The following ABCG1 variants were observed in gnomAD, a reference collection of about 807,000 sequenced individuals.
ABCG1 encodes ATP binding cassette subfamily G member 1, also known as ATP-binding cassette sub-family G member 1.
A neutral mutation model predicts 69.2 loss-of-function variants in ABCG1; 29 were observed. The ratio of observed to expected loss-of-function variants is 0.42; its 90% confidence interval spans 0.31 to 0.57. The LOEUF (loss-of-function observed/expected upper bound fraction) is 0.57, where lower values mean the gene tolerates loss of function less well. ABCG1 is among the 20% of genes least tolerant of loss of function. ABCG1 has a pLI of 0.15. For synonymous variants in ABCG1, 370 were observed against 374.8 expected (o/e 0.99, Z 0.15); for missense variants, 718 against 898.1 (o/e 0.80, Z 2.56).
At chr21:42,247,259 G>C (rs1445302483) in intron 2 of ABCG1, among the ~76,000 whole-genome samples, 1 of 152,202 alleles carries the variant, frequency 6.6e-6, no homozygotes, top group Non-Finnish European at 1.5e-5. Context: ...GGAGGAAAAA[G>C]TAAAGATAGC....
intron 3 of ABCG1, 33 bp downstream of exon 3, chr21:42,271,220 T>C: frequency 1.4e-6 from 2 of 1,406,588 alleles, no homozygotes; most frequent in Non-Finnish European, 1.9e-6. Flanking sequence ...CAAAGTTCTC[T>C]CCCGGGTGTC....
rs201533984 is a variant in ABCG1 at position 42,201,794 on chromosome 21, G to C, written c.48+71G>C. The C allele has an allele frequency of 1.6e-3, 2,642 of 1,608,938 alleles. 5 individuals are homozygous for C. Among genetic ancestry groups the C allele is most frequent in the Non-Finnish European group, 1.8e-3 (2,094 of 1,176,854 alleles). On this transcript the variant is annotated intron_variant, in intron 2 of 15. Coordinates refer to the ABCG1 transcript ENST00000398457. ...ATCCAGACTGGGCTTGTTTCAACTCGTTCCGTGGGCCTGATGTAGTCTAGA... is the reference window on the plus strand; with the variant it reads ...ATCCAGACTGGGCTTGTTTCAACTCCTTCCGTGGGCCTGATGTAGTCTAGA...
At chr21:42,259,645 T>A in intron 2 of ABCG1, 1 of 1,433,570 alleles carries the variant, frequency 7.0e-7, no homozygotes, top group Non-Finnish European at 9.1e-7. Flanking sequence ...ACTGACAAGG[T>A]TGCTAGAGCC....
intron 2 of ABCG1, chr21:42,259,220 C>T: frequency 1.4e-6 from 2 of 1,439,082 alleles, no homozygotes; most frequent in Non-Finnish European, 9.1e-7. Context: ...GTGCTGGGCT[C>T]AGCTCCAAAG....
intron 2 of ABCG1, among the ~76,000 whole-genome samples, chr21:42,235,091 C>A (rs893729142): frequency 6.6e-6 from 1 of 152,198 alleles, no homozygotes; most frequent in Non-Finnish European, 1.5e-5. Context: ...GCGCCCCGCG[C>A]GTGCTGGTGT....
chr21:42,210,437 G>A (rs894386408), intron 2 of ABCG1, among the ~76,000 whole-genome samples: 5 of 152,104 alleles, frequency 3.3e-5, no homozygotes, highest in South Asian at 2.1e-4. Flanking sequence ...GTAATTTTCC[G>A]GTATCTGTCT....
chr21:42,260,115 T>A, intron 2 of ABCG1: 1 of 1,550,458 alleles, frequency 6.4e-7, no homozygotes, highest in East Asian at 2.4e-5. Context: ...TGGTTGGGGG[T>A]TTCCTGGCGA....
At chr21:42,245,230 A>G (rs1423122501) in intron 2 of ABCG1, among the ~76,000 whole-genome samples, 1 of 152,236 alleles carries the variant, frequency 6.6e-6, no homozygotes, top group Non-Finnish European at 1.5e-5. Flanking sequence ...AAAGCCACAG[A>G]TGGAAGAACC....
chr21:42,248,180 A>G (rs2068161477), intron 2 of ABCG1, among the ~76,000 whole-genome samples: 1 of 152,238 alleles, frequency 6.6e-6, no homozygotes, highest in Admixed American at 6.5e-5. Context: ...TTCAAGCTGC[A>G]GTAAGATTGT....
chr21:42,225,621 T>C (rs2067802558), intron 1 of ABCG1, 50 bp from the exon 2 acceptor site: 1 of 1,593,524 alleles, frequency 6.3e-7, no homozygotes, highest in Non-Finnish European at 8.5e-7. Context: ...CATGTTCTTT[T>C]TCTTGATGCA....
At chr21:42,289,340 C>A (rs1301432216) in intron 10 of ABCG1, among the ~76,000 whole-genome samples, 1 of 152,128 alleles carries the variant, frequency 6.6e-6, no homozygotes, top group Non-Finnish European at 1.5e-5. Context: ...AAGAGAGAAA[C>A]CAAATGACAG....
chr21:42,282,974 T>G (rs1312781766), intron 6 of ABCG1, among the ~76,000 whole-genome samples: 1 of 152,166 alleles, frequency 6.6e-6, no homozygotes, highest in Non-Finnish European at 1.5e-5. Context: ...CCCTTTATGT[T>G]TGGGGCTCCC....
Position 42,284,638 on chromosome 21 carries a change from C to T in ABCG1, c.813C>T (p.Cys271=). The T allele has an allele frequency of 6.2e-7, 1 of 1,613,940 alleles. No homozygotes were observed. Among genetic ancestry groups the T allele is most frequent in the Non-Finnish European group, 8.5e-7 (1 of 1,180,038 alleles). ...GLAQGGRSII[C]TIHQPSAKLF... is the part of the protein sequence containing the mutation. ...CTCAAGGGGGTCGCTCCATCATTTG[C>T]ACCATCCACCAGCCCAGCGCCAAAC... is the stretch of plus-strand genomic sequence containing the variant. The change falls in exon 7 of 15, where the codon TGC becomes TGT. Residue 271 remains cysteine (C), a synonymous_variant. Coordinates refer to ENST00000398449, the MANE Select transcript of ABCG1 (RefSeq NM_016818.3).
At chr21:42,237,388 C>T (rs540417500) in intron 2 of ABCG1, among the ~76,000 whole-genome samples, 4 of 152,204 alleles carry the variant, frequency 2.6e-5, no homozygotes, top group Non-Finnish European at 5.9e-5. Flanking sequence ...CTCTCTCTAC[C>T]AAGAACCCAC....
rs753563884 is a variant in ABCG1 at position 42,287,873 on chromosome 21, T to C, written c.974-16T>C. 1.3e-6 allele frequency: 2 copies of C among 1,546,388 alleles called. No individual in the cohort carries two copies. The highest frequency in any genetic ancestry group is 2.4e-5 in the South Asian group (2 of 81,738). On this transcript the variant is annotated splice_polypyrimidine_tract_variant and intron_variant, in intron 8 of 14. Transcript: ENST00000398449. This position sits in a 1 kb window ranked among gnomAD's most constrained non-coding sequence, Gnocchi z 6.2. ...TTCCTGGAGCCCGGGCTGACCCCCG[T>C]CTGTGTCTCCTGCAGTCATGGAGGT... is the stretch of plus-strand genomic sequence containing the variant.
At chr21:42,227,006 A>G (rs2067827791) in intron 2 of ABCG1, among the ~76,000 whole-genome samples, 1 of 151,718 alleles carries the variant, frequency 6.6e-6, no homozygotes, top group South Asian at 2.1e-4. Flanking sequence ...TTGTTTTTCT[A>G]CCCTCTTGAA....
intron 2 of ABCG1, among the ~76,000 whole-genome samples, chr21:42,253,674 C>T (rs1488976195): frequency 6.6e-6 from 1 of 152,114 alleles, no homozygotes; most frequent in African/African-American, 2.4e-5. Flanking sequence ...CCTGACGTCA[C>T]CGTGCCACTG....
intron 2 of ABCG1, chr21:42,256,756 A>C (rs1004709928): frequency 9.0e-6 from 12 of 1,330,640 alleles, no homozygotes; most frequent in Non-Finnish European, 1.1e-5. Context: ...AATGATCACG[A>C]GCTTAAGGAA....
intron 2 of ABCG1, among the ~76,000 whole-genome samples, chr21:42,268,362 G>GGTGTGT (rs1555957893): frequency 0.054 from 7,925 of 147,566 alleles, 302 homozygotes; most frequent in Admixed American, 0.11. Context: ...TAGAGGTAGG[G>GGTGTGT]GTGTGTGTGT....
Sources: allele counts gnomAD v4.1 joint callset (sites outside exome capture counted in the v4.1 genomes callset), GRCh38; gene constraint gnomAD v4.1.1; non-coding constraint Gnocchi (gnomAD v3.1); transcripts MANE v1.5; gene names NCBI Gene and HGNC (gene_info 2026-07-23, HGNC 2026-07-21).